SCFD2: variants seen among roughly 807,000 people sequenced by gnomAD.
The protein encoded by SCFD2 is sec1 family domain containing 2, also known as sec1 family domain-containing protein 2.
SCFD2 carries 54 observed loss-of-function variants against 58.9 expected under a neutral mutation model. The observed-to-expected ratio is 0.92, with a 90% CI of 0.74 to 1.15. SCFD2 has a LOEUF of 1.15. Ranked by LOEUF, SCFD2 falls within the 50% of genes most tolerant of loss-of-function variation. The pLI is 0.00. For missense variants in SCFD2, 805 were observed against 836.6 expected (o/e 0.96, Z 0.47); for synonymous variants, 321 against 335.9 (o/e 0.96, Z 0.49).
chr4:53,154,481 C>T (rs1225544636), intron 4 of SCFD2, among the ~76,000 whole-genome samples: 1 of 152,212 alleles, frequency 6.6e-6, no homozygotes, highest in East Asian at 1.9e-4. Context: ...GGGATCTGCC[C>T]TCATGATCCA....
intron 3 of SCFD2, among the ~76,000 whole-genome samples, chr4:53,297,591 C>T (rs1732087791): frequency 6.6e-6 from 1 of 152,126 alleles, no homozygotes; most frequent in Admixed American, 6.5e-5. Flanking sequence ...ACAACAATGG[C>T]TCTTGACTCT....
intron 4 of SCFD2, among the ~76,000 whole-genome samples, chr4:53,162,146 T>A (rs1215275614): frequency 6.6e-6 from 1 of 152,200 alleles, no homozygotes; most frequent in Admixed American, 6.5e-5. Context: ...CTGCTTATTT[T>A]TCCTTTTTCC....
chr4:52,916,622 G>A (rs1294520116), intron 6 of SCFD2, among the ~76,000 whole-genome samples: 2 of 152,180 alleles, frequency 1.3e-5, no homozygotes, highest in Non-Finnish European at 2.9e-5. Flanking sequence ...CACAGGCACA[G>A]TTGGGGGCTT....
intron 4 of SCFD2, among the ~76,000 whole-genome samples, chr4:53,217,458 T>C (rs1432343163): frequency 6.6e-6 from 1 of 152,212 alleles, no homozygotes; most frequent in Non-Finnish European, 1.5e-5. Context: ...GAGATTAGGA[T>C]TGCAACCCCT....
chr4:53,231,111 C>T (rs1032876429), intron 4 of SCFD2, among the ~76,000 whole-genome samples: 1 of 151,980 alleles, frequency 6.6e-6, no homozygotes, highest in Non-Finnish European at 1.5e-5. Context: ...CTATGGCATA[C>T]TAAGAAAGGA....
At chr4:52,928,991 C>T (rs1054426627) in intron 5 of SCFD2, among the ~76,000 whole-genome samples, 4 of 152,174 alleles carry the variant, frequency 2.6e-5, no homozygotes, top group African/African-American at 9.7e-5. Flanking sequence ...ACAAAGAGCT[C>T]CCAGATGGTT....
chr4:53,357,748 A>C (rs1304817305), intron 1 of SCFD2, among the ~76,000 whole-genome samples: 1 of 152,190 alleles, frequency 6.6e-6, no homozygotes, highest in Admixed American at 6.5e-5. Flanking sequence ...AAAATCAGAC[A>C]CTTTTCTGAG....
At chr4:52,965,260 C>T (rs1260037234) in intron 5 of SCFD2, among the ~76,000 whole-genome samples, 1 of 152,136 alleles carries the variant, frequency 6.6e-6, no homozygotes, top group East Asian at 1.9e-4. Context: ...AAATGATGGG[C>T]CTAAGAGTGA....
chr4:52,973,283 A>C (rs1057005272), intron 5 of SCFD2, among the ~76,000 whole-genome samples: 5 of 152,212 alleles, frequency 3.3e-5, no homozygotes, highest in African/African-American at 1.2e-4. Flanking sequence ...AATACTAATA[A>C]AGAAGAAAAG....
intron 5 of SCFD2, among the ~76,000 whole-genome samples, chr4:53,015,612 G>T (rs1722192500): frequency 6.6e-6 from 1 of 152,076 alleles, no homozygotes; most frequent in Non-Finnish European, 1.5e-5. Context: ...AAAATAACTT[G>T]AGTGTACCCA....
At chr4:52,907,133 T>G (rs570728700) in intron 7 of SCFD2, among the ~76,000 whole-genome samples, 1 of 152,310 alleles carries the variant, frequency 6.6e-6, no homozygotes, top group South Asian at 2.1e-4. Context: ...CGGTGTGTGC[T>G]ATGTGGATTC....
intron 5 of SCFD2, among the ~76,000 whole-genome samples, chr4:53,122,375 T>TA (rs1334103786): frequency 8.2e-4 from 116 of 140,924 alleles, no homozygotes; most frequent in East Asian, 1.0e-3. Flanking sequence ...AGACTCCGTC[T>TA]AAAAAAAAAA....
chr4:53,184,811 CT>C (rs1279680432), intron 4 of SCFD2, among the ~76,000 whole-genome samples: 3 of 151,936 alleles, frequency 2.0e-5, no homozygotes, highest in African/African-American at 2.4e-5. Flanking sequence ...TTTGTAGAAG[CT>C]TGGAAACTTC....
At chr4:53,345,788 T>A (rs1330570274) in intron 2 of SCFD2, among the ~76,000 whole-genome samples, 2 of 152,200 alleles carry the variant, frequency 1.3e-5, no homozygotes, top group African/African-American at 4.8e-5. Flanking sequence ...TGAGTTCATG[T>A]CCTTTTCAGG....
intron 5 of SCFD2, among the ~76,000 whole-genome samples, chr4:53,039,618 G>GGATT (rs879843209): frequency 6.6e-6 from 1 of 152,174 alleles, no homozygotes; most frequent in Non-Finnish European, 1.5e-5. Context: ...TTTTGCAAGA[G>GGATT]GATTGGCTGC....
intron 4 of SCFD2, among the ~76,000 whole-genome samples, chr4:53,224,777 C>T (rs969860293): frequency 6.6e-6 from 1 of 152,190 alleles, no homozygotes; most frequent in Non-Finnish European, 1.5e-5. Context: ...AAACCTACTA[C>T]TTAGAAAACT....
At chr4:53,190,576 T>C (rs1727864175) in intron 4 of SCFD2, among the ~76,000 whole-genome samples, 1 of 152,226 alleles carries the variant, frequency 6.6e-6, no homozygotes, top group African/African-American at 2.4e-5. Flanking sequence ...ATGGCATTTA[T>C]CCACGGCATT....
At chr4:53,150,495 A>C (rs971939748) in intron 4 of SCFD2, among the ~76,000 whole-genome samples, 1 of 152,206 alleles carries the variant, frequency 6.6e-6, no homozygotes, top group African/African-American at 2.4e-5. Flanking sequence ...GCTCTTCTCT[A>C]TTCTTAGAAT....
chr4:53,200,994 T>C (rs1207015894), intron 4 of SCFD2, among the ~76,000 whole-genome samples: 1 of 143,480 alleles, frequency 7.0e-6, no homozygotes, highest in Non-Finnish European at 1.6e-5. Flanking sequence ...CAAATATTAA[T>C]TTTATTTTAA....
Sources: allele counts gnomAD v4.1 joint callset (sites outside exome capture counted in the v4.1 genomes callset), GRCh38; gene constraint gnomAD v4.1.1; transcripts MANE v1.5; gene names NCBI Gene and HGNC (gene_info 2026-07-23, HGNC 2026-07-21).